Variants in STT3A observed in about 807,000 individuals in gnomAD.
STT3A encodes the protein dolichyl-diphosphooligosaccharide--protein glycosyltransferase subunit STT3A.
STT3A carries 34 observed loss-of-function variants against 89.2 expected under a neutral mutation model. That is an observed-to-expected ratio of 0.38 (90% confidence interval 0.29 to 0.51). The LOEUF is 0.51. STT3A is among the 20% of genes least tolerant of loss of function. STT3A has a pLI of 0.89. For missense variants in STT3A, 555 were observed against 889.5 expected (o/e 0.62, Z 4.78); for synonymous variants, 282 against 310.3 (o/e 0.91, Z 0.96).
At chr11:125,596,075 C>G (rs1185416384) in intron 2 of STT3A, 72 bp downstream of exon 2, 6 of 1,190,408 alleles carry the variant, frequency 5.0e-6, no homozygotes, top group Non-Finnish European at 7.3e-6. Flanking sequence ...TTGAAAATCG[C>G]TATCTTAAAA....
rs2135951908 is a variant in STT3A at position 125,620,762 on chromosome 11, T to C, written c.2080-10T>C. Reference sequence around the variant, plus strand: ...ATTGTAAATATTAAACTGACATCTTTATGTTGCAGGTAAAGGACCTGGATA... The same window carrying C: ...ATTGTAAATATTAAACTGACATCTTCATGTTGCAGGTAAAGGACCTGGATA... On this transcript the variant is annotated splice_polypyrimidine_tract_variant and intron_variant, in intron 17 of 17. Coordinates refer to ENST00000392708, the MANE Select transcript of STT3A (RefSeq NM_152713.5). 1 of 1,613,732 alleles carries C rather than the reference T, an allele frequency of 6.2e-7. No homozygotes were observed.
At chr11:125,618,317 G>T in intron 15 of STT3A, 56 bp from the exon 16 acceptor site, 1 of 1,501,320 alleles carries the variant, frequency 6.7e-7, no homozygotes, top group South Asian at 1.3e-5. Context: ...ATACTAACCT[G>T]CTTTAACTCC....
chr11:125,610,698 AAATAAT>A (rs1555061264), intron 10 of STT3A: 1 of 151,912 alleles, frequency 6.6e-6, no homozygotes, highest in Non-Finnish European at 1.5e-5. Flanking sequence ...ACTTAAAAAA[AAATAAT>A]AATAATAATG....
chr11:125,610,304 G>T lies in STT3A; in HGVS notation c.1117+715G>T, dbSNP rs185655823. ...GGTCTTGAACTCATGGGCTCAAGCA[G>T]TCTGCTCACCTTGGCCTCCCATAGT... is the stretch of plus-strand genomic sequence containing the variant. On this transcript the variant is annotated intron_variant, in intron 10 of 17. Transcript: ENST00000392708. 3.7e-3 allele frequency among the ~76,000 whole-genome samples: 563 copies of T among 152,252 alleles called. 1 individual carries two copies. The highest frequency in any genetic ancestry group is 0.014 in the Middle Eastern group (4 of 294).
chr11:125,596,084 A>G, intron 2 of STT3A, 81 bp downstream of exon 2: 1 of 1,054,512 alleles, frequency 9.5e-7, no homozygotes, highest in Non-Finnish European at 1.4e-6. Flanking sequence ...GCTATCTTAA[A>G]ATGCCTTGTT....
rs775375522 is a variant in STT3A, at chr11:125,602,352, A to C, written c.199A>C (p.Lys67Gln). 1.2e-6 allele frequency: 2 copies of C among 1,613,852 alleles called. No homozygotes were observed. The highest frequency in any genetic ancestry group is 2.7e-5 in the African/African-American group (2 of 74,884). Residue 67 changes from lysine (K) to glutamine (Q), a missense_variant, in exon 4 of 18, where the codon AAA becomes CAA. By Grantham distance (53) the Lys-to-Gln change is moderately conservative (BLOSUM62 1). Transcript: ENST00000392708. ...TRFLAEEGFYKFHNWFDDRAW... is the reference protein window; with the variant it reads ...TRFLAEEGFYQFHNWFDDRAW... ...GTTCCTGGCTGAGGAGGGGTTTTAT[A>C]AATTCCATAACTGGTTTGATGACCG...
intron 1 of STT3A, among the ~76,000 whole-genome samples, chr11:125,595,585 A>T (rs968137215): frequency 6.6e-6 from 1 of 151,058 alleles, no homozygotes; most frequent in Non-Finnish European, 1.5e-5. Context: ...TCCTTGTGCT[A>T]TACTATTGCT....
upstream of STT3A, chr11:125,592,449 AT>A: frequency 2.2e-6 from 1 of 456,294 alleles, no homozygotes; most frequent in South Asian, 1.5e-5. Flanking sequence ...GCGGCTCCGC[AT>A]TCCGAGTTAC....
intron 2 of STT3A, 54 bp downstream of exon 2, chr11:125,596,057 G>GA: frequency 7.4e-7 from 1 of 1,343,180 alleles, no homozygotes; most frequent in East Asian, 2.3e-5. Context: ...AGAAAGTCTA[G>GA]AAAAAAATTG....
Position 125,620,648 on chromosome 11 carries a change from C to T in STT3A, c.2080-124C>T. 3.7e-6 allele frequency: 3 copies of T among 815,256 alleles called. No individual in the cohort carries two copies. The South Asian group carries it at 4.8e-5, about 13-fold the overall frequency. The allele number at this position is 815,256 out of a possible 1,614,324, so 50.5% of individuals were successfully genotyped here. ...TCTCTAGTCAGTGCTTGTGTATTCA[C>T]AGCCCTAAACCAGGCTGCAGAACCC... On this transcript the variant is annotated intron_variant, in intron 17 of 17. Transcript: ENST00000392708.
chr11:125,609,352 A>C, intron 9 of STT3A, 82 bp from the exon 10 acceptor site: 5 of 1,464,678 alleles, frequency 3.4e-6, no homozygotes, highest in East Asian at 2.4e-5. Flanking sequence ...GAATCTTATT[A>C]AAATGGGAAG....
intron 2 of STT3A, among the ~76,000 whole-genome samples, chr11:125,596,283 G>A (rs1939493591): frequency 6.6e-6 from 1 of 152,152 alleles, no homozygotes; most frequent in Non-Finnish European, 1.5e-5. Context: ...TGGCCAACAT[G>A]ATGAAACCCT....
At chr11:125,607,657 A>C (rs1400379475) in intron 8 of STT3A, among the ~76,000 whole-genome samples, 1 of 152,252 alleles carries the variant, frequency 6.6e-6, no homozygotes, top group Non-Finnish European at 1.5e-5. Context: ...CTCCTTGGTG[A>C]CTACGATGCC....
chr11:125,599,845 C>T (rs938386033), intron 3 of STT3A, among the ~76,000 whole-genome samples: 1 of 144,830 alleles, frequency 6.9e-6, no homozygotes, highest in South Asian at 2.2e-4. Flanking sequence ...ATTCTCCTGC[C>T]TCAGCCTCCT....
At chr11:125,609,841 C>T (rs112655077) in intron 10 of STT3A, 12 of 418,794 alleles carry the variant, frequency 2.9e-5, no homozygotes, top group African/African-American at 6.1e-5. Context: ...TAAAATTTAA[C>T]GGTAATTTTT....
rs1488083488 is a variant in STT3A at position 125,614,597 on chromosome 11, G to GTAACA, written c.1774+172_1774+176dup. Among the ~76,000 whole-genome samples the GTAACA allele has an allele frequency of 1.3e-5, 2 of 151,866 alleles. No individual in the cohort carries two copies. Among genetic ancestry groups the GTAACA allele is most frequent in the Non-Finnish European group, 2.9e-5 (2 of 67,988 alleles). ...TGGGTATTTTGATTTTTTTCTTTTT[G>GTAACA]TAACAAGAGGACATAAATGTAAACA... On this transcript the variant is annotated intron_variant, in intron 15 of 17. Coordinates refer to ENST00000392708, the MANE Select transcript of STT3A (RefSeq NM_152713.5). The surrounding 1 kb of genome is among the most constrained non-coding windows in gnomAD (Gnocchi z 4.9).
At chr11:125,598,082 T>G (rs552799223) in intron 3 of STT3A, among the ~76,000 whole-genome samples, 3 of 152,066 alleles carry the variant, frequency 2.0e-5, no homozygotes, top group Non-Finnish European at 4.4e-5. Flanking sequence ...CATGGTGGCA[T>G]GTGCCCGTAA....
chr11:125,611,799 G>A (rs1475642651), intron 11 of STT3A, among the ~76,000 whole-genome samples: 1 of 144,618 alleles, frequency 6.9e-6, no homozygotes, highest in Non-Finnish European at 1.5e-5. Context: ...AACGGGAGAT[G>A]ATATTTTTTT....
intron 3 of STT3A, among the ~76,000 whole-genome samples, chr11:125,600,145 G>A (rs370301847): frequency 6.6e-6 from 1 of 150,438 alleles, no homozygotes. Flanking sequence ...CTGCCTCCCG[G>A]GTTCAAGCGA....
Sources: allele counts gnomAD v4.1 joint callset (sites outside exome capture counted in the v4.1 genomes callset), GRCh38; gene constraint gnomAD v4.1.1; non-coding constraint Gnocchi (gnomAD v3.1); transcripts MANE v1.5; gene names NCBI Gene and HGNC (gene_info 2026-07-23, HGNC 2026-07-21).